The following AKR1C8 variants were observed in gnomAD, a reference collection of about 807,000 sequenced individuals.
AKR1C8 encodes aldo-keto reductase family 1 member C8, also known as aldo-keto reductase family 1 member C-like protein 1.
chr10:5,172,954 G>C, the AKR1C8 span, among the ~76,000 whole-genome samples: 1 of 152,080 alleles, frequency 6.6e-6, no homozygotes. Flanking sequence ...TTTAAGAACA[G>C]GGCTAGGAAA....
chr10:5,137,067 G>A, the AKR1C8 span, among the ~76,000 whole-genome samples: 1 of 152,052 alleles, frequency 6.6e-6, no homozygotes, highest in Non-Finnish European at 1.5e-5. Flanking sequence ...TCTGTCTAAG[G>A]AAACAATATA....
chr10:5,171,030 T>G, the AKR1C8 span, among the ~76,000 whole-genome samples: 2 of 152,120 alleles, frequency 1.3e-5, no homozygotes, highest in African/African-American at 4.8e-5. Context: ...TTACAATACT[T>G]TAAGCAAAAT....
chr10:5,172,712 A>T, the AKR1C8 span, among the ~76,000 whole-genome samples: 1 of 152,140 alleles, frequency 6.6e-6, no homozygotes, highest in Non-Finnish European at 1.5e-5. Context: ...ATTTTACTGT[A>T]CTGGTAAGTT....
the AKR1C8 span, among the ~76,000 whole-genome samples, chr10:5,123,079 T>C: frequency 0.39 from 59,658 of 152,072 alleles, 12,502 homozygotes; most frequent in Non-Finnish European, 0.43. Context: ...TGGTTTTGGT[T>C]CCATCCTAAT....
chr10:5,178,995 TTA>T, the AKR1C8 span, among the ~76,000 whole-genome samples: 1 of 152,302 alleles, frequency 6.6e-6, no homozygotes, highest in East Asian at 1.9e-4. Context: ...GTTAATATTA[TTA>T]TGTTTGAATT....
the AKR1C8 span, among the ~76,000 whole-genome samples, chr10:5,173,539 A>C: frequency 3.3e-4 from 50 of 152,060 alleles, no homozygotes; most frequent in African/African-American, 1.1e-3. Context: ...AAACTAGAAA[A>C]CCTGAACATA....
chr10:5,184,773 A>C, the AKR1C8 span, among the ~76,000 whole-genome samples: 15 of 152,206 alleles, frequency 9.9e-5, no homozygotes, highest in African/African-American at 3.6e-4. Flanking sequence ...ATAGAAATAA[A>C]GATAATATAC....
chr10:5,176,519 T>G, the AKR1C8 span, among the ~76,000 whole-genome samples: 4 of 150,608 alleles, frequency 2.7e-5, no homozygotes, highest in East Asian at 1.9e-4. Flanking sequence ...GTGAAGAAAG[T>G]CATTGGTAGC....
chr10:5,137,621 T>C, the AKR1C8 span, among the ~76,000 whole-genome samples: 1 of 152,306 alleles, frequency 6.6e-6, no homozygotes, highest in South Asian at 2.1e-4. Context: ...GCCAATATCA[T>C]ACTGAATGGG....
chr10:5,153,342 G>A, the AKR1C8 span, among the ~76,000 whole-genome samples: 4 of 152,246 alleles, frequency 2.6e-5, no homozygotes, highest in Admixed American at 1.3e-4. Context: ...TTTACAACAA[G>A]TAAAATATAA....
At chr10:5,125,002 A>T in the AKR1C8 span, among the ~76,000 whole-genome samples, 1 of 152,016 alleles carries the variant, frequency 6.6e-6, no homozygotes, top group Non-Finnish European at 1.5e-5. Context: ...AAAAAAAAAA[A>T]GTTAACTTAT....
chr10:5,158,233 GA>G, the AKR1C8 span, among the ~76,000 whole-genome samples: 1 of 151,774 alleles, frequency 6.6e-6, no homozygotes, highest in Admixed American at 6.6e-5. Context: ...GTCTCAGAAG[GA>G]AAAAAAATAA....
the AKR1C8 span, among the ~76,000 whole-genome samples, chr10:5,182,137 CAT>C: frequency 1.3e-5 from 2 of 152,042 alleles, no homozygotes; most frequent in Non-Finnish European, 1.5e-5. Context: ...AAATTTAAAA[CAT>C]ATTTATTTAT....
At chr10:5,170,666 G>A in the AKR1C8 span, among the ~76,000 whole-genome samples, 1 of 152,084 alleles carries the variant, frequency 6.6e-6, no homozygotes, top group African/African-American at 2.4e-5. Flanking sequence ...ACCCTGTACA[G>A]GGACTCTGTA....
chr10:5,118,647 G>C, the AKR1C8 span, among the ~76,000 whole-genome samples: 1 of 152,094 alleles, frequency 6.6e-6, no homozygotes, highest in African/African-American at 2.4e-5. Flanking sequence ...GGCGAGAGAA[G>C]CTCATAGAAA....
chr10:5,117,091 A>G, the AKR1C8 span, among the ~76,000 whole-genome samples: 1 of 151,742 alleles, frequency 6.6e-6, no homozygotes, highest in South Asian at 2.1e-4. Flanking sequence ...AGCCTCAAAA[A>G]GTGTGTTTAT....
At chr10:5,162,886 G>A in the AKR1C8 span, 44 of 534,512 alleles carry the variant, frequency 8.2e-5, 1 homozygote, top group Middle Eastern at 2.9e-3. Flanking sequence ...CTCTCTTGAC[G>A]GTACCATCAG....
At chr10:5,119,569 GCA>G in the AKR1C8 span, among the ~76,000 whole-genome samples, 8 of 152,054 alleles carry the variant, frequency 5.3e-5, no homozygotes, top group South Asian at 4.1e-4. Context: ...TGTTATTTAT[GCA>G]CACTTTTTAA....
At chr10:5,122,009 G>A in the AKR1C8 span, 1 of 245,630 alleles carries the variant, frequency 4.1e-6, no homozygotes, top group South Asian at 4.5e-5. Flanking sequence ...CTGTCTTCCT[G>A]ATGTAGGAAA....
Sources: gnomAD v4.1 joint callset for allele counts (sites outside exome capture counted in the v4.1 genomes callset) on GRCh38, gnomAD v4.1.1 for gene constraint, MANE v1.5 for transcripts, NCBI Gene and HGNC (gene_info 2026-07-23, HGNC 2026-07-21) for gene names.